IQCH: variants seen among roughly 807,000 people sequenced by gnomAD.
IQCH encodes the protein IQ domain-containing protein H.
Under a neutral mutation model 117.0 loss-of-function variants are expected in IQCH, and 98 were observed. That is an observed-to-expected ratio of 0.84 (90% CI 0.71 to 0.99). The LOEUF (loss-of-function observed/expected upper bound fraction) is 0.99. Ranked by LOEUF, IQCH falls within the 50% of genes least tolerant of loss-of-function variation. IQCH has a pLI of 0.00. For missense variants in IQCH, 1,102 were observed against 1,243.8 expected, an observed-to-expected ratio of 0.89 and a Z score of 1.72; for synonymous variants, 412 against 448.2, an observed-to-expected ratio of 0.92 and a Z score of 1.02.
Position 67,365,512 on chromosome 15 carries a change from G to T in IQCH, c.753+5627G>T, listed in dbSNP as rs1970301502. Among the ~76,000 whole-genome samples, 1 of 152,194 alleles carries T rather than the reference G, an allele frequency of 6.6e-6. No individual in the cohort carries two copies. ...AGGCACTGGGGACACAACAATGAATGAAGCAAACCTAGTCCTTGTCCTCTT... is the reference window on the plus strand; with the variant it reads ...AGGCACTGGGGACACAACAATGAATTAAGCAAACCTAGTCCTTGTCCTCTT... On this transcript the variant is annotated intron_variant, in intron 8 of 20. Coordinates refer to ENST00000335894, the MANE Select transcript of IQCH (RefSeq NM_001031715.3). This position sits in a 1 kb window ranked among gnomAD's most constrained non-coding sequence, Gnocchi z 4.4.
At chr15:67,303,403 C>CT (rs1967148214) in intron 4 of IQCH, among the ~76,000 whole-genome samples, 1 of 152,078 alleles carries the variant, frequency 6.6e-6, no homozygotes, top group African/African-American at 2.4e-5. Context: ...GAATTGTACA[C>CT]TTTAAAGGGG....
At chr15:67,309,397 C>A (rs913923484) in intron 4 of IQCH, among the ~76,000 whole-genome samples, 1 of 152,028 alleles carries the variant, frequency 6.6e-6, no homozygotes, top group African/African-American at 2.4e-5. Flanking sequence ...AGGACAGGGA[C>A]CTTGTTGTCT....
chr15:67,474,457 G>A lies in IQCH; in HGVS notation c.2677-1239G>A, dbSNP rs1255167929. On this transcript the variant is annotated intron_variant, in intron 17 of 20. Transcript: ENST00000335894. The surrounding 1 kb of genome is among the most constrained non-coding windows in gnomAD (Gnocchi z 4.1). ...GCTATCTAGAGAAAAACAGCTGATT[G>A]ACTAAGGCAAATATCACATCTCAAA... Among the ~76,000 whole-genome samples, 1 of 152,158 alleles carries A rather than the reference G, an allele frequency of 6.6e-6. No homozygotes were observed. The highest frequency in any genetic ancestry group is 1.5e-5 in the Non-Finnish European group (1 of 68,034).
chr15:67,287,585 C>T (rs972422984), intron 4 of IQCH, among the ~76,000 whole-genome samples: 1 of 152,030 alleles, frequency 6.6e-6, no homozygotes, highest in Non-Finnish European at 1.5e-5. Context: ...CACTAATGAT[C>T]TTTTGAATTT....
chr15:67,322,321 A>G (rs1968172767), intron 4 of IQCH, among the ~76,000 whole-genome samples: 1 of 152,110 alleles, frequency 6.6e-6, no homozygotes, highest in African/African-American at 2.4e-5. Flanking sequence ...TATTTTGCTT[A>G]CTGTTTGCAT....
chr15:67,311,301 T>C (rs1332681092), intron 4 of IQCH, among the ~76,000 whole-genome samples: 2 of 152,088 alleles, frequency 1.3e-5, no homozygotes, highest in African/African-American at 4.8e-5. Flanking sequence ...TGGATCATTT[T>C]AATTGAACTA....
intron 4 of IQCH, among the ~76,000 whole-genome samples, chr15:67,322,446 G>A (rs926462971): frequency 3.3e-5 from 5 of 152,080 alleles, no homozygotes; most frequent in African/African-American, 4.8e-5. Context: ...GATAATCTCC[G>A]CTTTTTGAGT....
intron 16 of IQCH, among the ~76,000 whole-genome samples, chr15:67,446,725 CTT>C (rs1269329976): frequency 6.6e-6 from 1 of 152,176 alleles, no homozygotes; most frequent in African/African-American, 2.4e-5. Flanking sequence ...TGCCATAGGA[CTT>C]TGATTGATCA....
At position 67,342,904 on chromosome 15, in the gene IQCH, A is replaced by C. The variant is rs577832182; in HGVS notation, c.509-1159A>C. Among the ~76,000 whole-genome samples the C allele has an allele frequency of 2.0e-5, 3 of 152,236 alleles. No individual in the cohort carries two copies. Among genetic ancestry groups the C allele is most frequent in the Admixed American group, 6.5e-5 (1 of 15,284 alleles). On this transcript the variant is annotated intron_variant, in intron 5 of 20. Transcript: ENST00000335894. This position sits in a 1 kb window ranked among gnomAD's most constrained non-coding sequence, Gnocchi z 4.7. ...CAGATTCCCAGGCCCTGTCCTCAGA[A>C]GTTTGGACAGGTTGAGTTGGGGCCC...
intron 1 of IQCH, among the ~76,000 whole-genome samples, chr15:67,260,807 T>C (rs1965423950): frequency 6.6e-6 from 1 of 152,112 alleles, no homozygotes; most frequent in African/African-American, 2.4e-5. Flanking sequence ...AAAGAATGCC[T>C]TAGAACCAGG....
At chr15:67,400,498 T>TTTTTTTTTTTTTA (rs1555481906) in intron 14 of IQCH, among the ~76,000 whole-genome samples, 193 bp downstream of exon 14, 1 of 137,358 alleles carries the variant, frequency 7.3e-6, no homozygotes, top group East Asian at 2.3e-4. Context: ...TTTCTTTTTT[T>TTTTTTTTTTTTTA]TTTTGAGATG....
chr15:67,281,700 A>C (rs185184301), intron 4 of IQCH: 7 of 454,204 alleles, frequency 1.5e-5, no homozygotes, highest in Non-Finnish European at 2.6e-5. Context: ...ATTTCCCCAC[A>C]AAAGACAGCT....
rs955309709 is a variant in IQCH at position 67,404,846 on chromosome 15, A to C, written c.2097+4541A>C. The C allele has an allele frequency of 6.6e-6, 1 of 152,178 alleles. No homozygotes were observed. Among genetic ancestry groups the C allele is most frequent in the Admixed American group, 6.5e-5 (1 of 15,278 alleles). The allele number at this position is 152,178 out of a possible 1,614,324, so 9.4% of individuals were successfully genotyped here. A position where few individuals can be genotyped will look rare whatever the true frequency, so the allele number is the denominator to read the frequency against. The stretch of plus-strand genomic sequence containing the variant: ...GTTTGTTTTTATATTTGGTTTTTGT[A>C]TACACCTCTTTTTGCTTCTGTTGAG... On this transcript the variant is annotated intron_variant, in intron 14 of 20. Transcript: ENST00000335894. The surrounding 1 kb of genome is among the most constrained non-coding windows in gnomAD (Gnocchi z 4.6).
rs965476158 is a variant in IQCH, at chr15:67,416,830, AT to A, written c.2098-93del. The A allele has an allele frequency of 5.7e-4, 548 of 953,954 alleles. No individual in the cohort carries two copies. The highest frequency in any genetic ancestry group is 1.1e-3 in the South Asian group (37 of 32,892). The allele number at this position is 953,954 out of a possible 1,614,324, so 59.1% of individuals were successfully genotyped here. On this transcript the variant is annotated intron_variant, in intron 14 of 20. Transcript: ENST00000335894. The surrounding 1 kb of genome is among the most constrained non-coding windows in gnomAD (Gnocchi z 5.1). ...CTGACTCTGGGTAAACAGTAACCAC[AT>A]TTTTTTTGCCTGTTGGAGGCCTGGT...
chr15:67,481,960 C>G lies in IQCH; in HGVS notation c.2799+6142C>G, dbSNP rs1027677199. 6.6e-6 allele frequency among the ~76,000 whole-genome samples: 1 copy of G among 152,190 alleles called. No individual in the cohort carries two copies. The highest frequency in any genetic ancestry group is 1.5e-5 in the Non-Finnish European group (1 of 68,032). On this transcript the variant is annotated intron_variant, in intron 18 of 20. Coordinates refer to ENST00000335894, the MANE Select transcript of IQCH (RefSeq NM_001031715.3). This position sits in a 1 kb window ranked among gnomAD's most constrained non-coding sequence, Gnocchi z 4.1. ...TAAAATTGCTAAGGATGGCTTGTGC[C>G]TGTAATCCTAGCTGCTCACGAGGTT...
chr15:67,454,036 G>A lies in IQCH; in HGVS notation c.2506-11091G>A, dbSNP rs1024039817. Reference sequence around the variant, plus strand: ...GTGTAGGACCCTCTGAGCCATGTGAGGGATATAATCTCCTGGTGTGCTGTT... The same window carrying A: ...GTGTAGGACCCTCTGAGCCATGTGAAGGATATAATCTCCTGGTGTGCTGTT... On this transcript the variant is annotated intron_variant, in intron 16 of 20. Transcript: ENST00000335894. The surrounding 1 kb of genome is among the most constrained non-coding windows in gnomAD (Gnocchi z 5.2). Among the ~76,000 whole-genome samples, 2 of 152,258 alleles carry A rather than the reference G, an allele frequency of 1.3e-5. No homozygotes were observed. Among genetic ancestry groups the A allele is most frequent in the African/African-American group, 2.4e-5 (1 of 41,472 alleles).
In IQCH at chr15:67,450,102, T is replaced by G. The variant is rs547807568; in HGVS notation, c.2506-15025T>G. Among the ~76,000 whole-genome samples the G allele has an allele frequency of 1.5e-4, 23 of 152,356 alleles. No homozygotes were observed. The South Asian group carries it at 4.6e-3, about 30-fold the overall frequency. On this transcript the variant is annotated intron_variant, in intron 16 of 20. Transcript: ENST00000335894. Reference sequence around the variant, plus strand: ...TAACCTGAGACTTTGCTGAAGTTGCTTATCAGCTTGAGATTTTGGGCTGAG... The same window carrying G: ...TAACCTGAGACTTTGCTGAAGTTGCGTATCAGCTTGAGATTTTGGGCTGAG...
At position 67,369,076 on chromosome 15, in the gene IQCH, C is replaced by A. The variant is rs1970431509; in HGVS notation, c.754-3035C>A. ...AGTATTTCTAAATTTTAGAATGCAA[C>A]ACTGGGTCTATCTTTTTTGCTTAAC... On this transcript the variant is annotated intron_variant, in intron 8 of 20. Transcript: ENST00000335894. This position sits in a 1 kb window ranked among gnomAD's most constrained non-coding sequence, Gnocchi z 5.2. Among the ~76,000 whole-genome samples the A allele has an allele frequency of 6.6e-6, 1 of 152,140 alleles. No homozygotes were observed. The highest frequency in any genetic ancestry group is 1.9e-4 in the East Asian group (1 of 5,194).
intron 20 of IQCH, among the ~76,000 whole-genome samples, chr15:67,495,361 G>C (rs1289251245): frequency 6.6e-6 from 1 of 152,126 alleles, no homozygotes; most frequent in Non-Finnish European, 1.5e-5. Context: ...TTATTTACTG[G>C]TTTTTGTTTT....
Sources: allele counts gnomAD v4.1 joint callset (sites outside exome capture counted in the v4.1 genomes callset), GRCh38; gene constraint gnomAD v4.1.1; non-coding constraint Gnocchi (gnomAD v3.1); transcripts MANE v1.5; gene names NCBI Gene and HGNC (gene_info 2026-07-23, HGNC 2026-07-21).